The following ERBB4 variants were observed in gnomAD, a reference collection of about 807,000 sequenced individuals.
ERBB4 encodes erb-b2 receptor tyrosine kinase 4.
A neutral mutation model predicts 158.0 loss-of-function variants in ERBB4; 42 were observed. The ratio of observed to expected loss-of-function variants is 0.27; its 90% confidence interval spans 0.21 to 0.34. The LOEUF (loss-of-function observed/expected upper bound fraction) is 0.34, where lower values mean the gene tolerates loss of function less well. Ranked by LOEUF, ERBB4 falls within the 10% of genes least tolerant of loss-of-function variation. ERBB4 has a pLI of 1.00. For missense variants in ERBB4, 1,333 were observed against 1,624.1 expected (o/e 0.82, Z 3.08); for synonymous variants, 583 against 558.7 (o/e 1.04, Z -0.61).
intron 27 of ERBB4, among the ~76,000 whole-genome samples, chr2:211,385,014 A>G (rs926036040): frequency 6.6e-6 from 1 of 152,066 alleles, no homozygotes; most frequent in African/African-American, 2.4e-5. Flanking sequence ...CCTCTCTTTT[A>G]CTATATACAC....
intron 4 of ERBB4, among the ~76,000 whole-genome samples, chr2:211,783,540 C>T (rs1367727192): frequency 6.6e-6 from 1 of 152,118 alleles, no homozygotes; most frequent in Non-Finnish European, 1.5e-5. Context: ...GAGATACGTC[C>T]CATCAGTACC....
At chr2:211,477,424 T>C (rs768626209) in intron 20 of ERBB4, among the ~76,000 whole-genome samples, 8 of 151,960 alleles carry the variant, frequency 5.3e-5, no homozygotes, top group Non-Finnish European at 1.0e-4. Context: ...ACACTAAAGA[T>C]GAAAAGAGAC....
rs185885123 is a variant in ERBB4 at position 211,805,534 on chromosome 2, C to T, written c.422-17375G>A. ...TATGTATTACTTCCATTGATTTGTT[C>T]TAAGTCTTTCAAGAGATGGGTGGCC... On this transcript the variant is annotated intron_variant, in intron 3 of 27. Transcript: ENST00000342788. 2.7e-4 allele frequency among the ~76,000 whole-genome samples: 41 copies of T among 152,280 alleles called. No individual in the cohort carries two copies. The East Asian group carries it at 7.1e-3, about 26-fold the overall frequency.
chr2:211,914,425 T>G (rs540977551), intron 3 of ERBB4, among the ~76,000 whole-genome samples: 1 of 152,238 alleles, frequency 6.6e-6, no homozygotes, highest in Non-Finnish European at 1.5e-5. Context: ...GAAAACATCC[T>G]TGATTATTCA....
intron 3 of ERBB4, among the ~76,000 whole-genome samples, chr2:211,805,131 C>T (rs2076586989): frequency 6.6e-6 from 1 of 152,202 alleles, no homozygotes; most frequent in African/African-American, 2.4e-5. Context: ...GTTGGCCAGG[C>T]TTGTCTCAAA....
At chr2:212,094,446 CATA>C (rs1469924543) in intron 2 of ERBB4, among the ~76,000 whole-genome samples, 1 of 150,680 alleles carries the variant, frequency 6.6e-6, no homozygotes, top group Non-Finnish European at 1.5e-5. Context: ...AAGATTGTGT[CATA>C]ATAAAATACA....
intron 20 of ERBB4, among the ~76,000 whole-genome samples, chr2:211,523,937 A>G (rs1183189426): frequency 6.6e-6 from 1 of 151,996 alleles, no homozygotes; most frequent in Non-Finnish European, 1.5e-5. Flanking sequence ...TGAGCTAGAA[A>G]CAAAGGTTCT....
chr2:212,524,903 GA>G (rs1692365299), intron 1 of ERBB4, among the ~76,000 whole-genome samples: 1 of 151,990 alleles, frequency 6.6e-6, no homozygotes, highest in Non-Finnish European at 1.5e-5. Flanking sequence ...AGGCACATTA[GA>G]ATGGATCATA....
intron 20 of ERBB4, among the ~76,000 whole-genome samples, chr2:211,476,471 A>T (rs563239238): frequency 6.6e-6 from 1 of 152,142 alleles, no homozygotes; most frequent in African/African-American, 2.4e-5. Flanking sequence ...ATCAGGTAGA[A>T]TTGACAGAAA....
At chr2:211,966,431 G>A (rs1052752683) in intron 2 of ERBB4, among the ~76,000 whole-genome samples, 1 of 151,868 alleles carries the variant, frequency 6.6e-6, no homozygotes, top group Admixed American at 6.6e-5. Context: ...TAGTAGAGAC[G>A]GGGTTTCACT....
At chr2:211,899,415 A>T (rs1188578043) in intron 3 of ERBB4, among the ~76,000 whole-genome samples, 3 of 152,128 alleles carry the variant, frequency 2.0e-5, no homozygotes, top group Admixed American at 6.6e-5. Flanking sequence ...TTCATCTACC[A>T]GTAACATTTT....
At chr2:211,570,861 T>C (rs1264498112) in intron 19 of ERBB4, among the ~76,000 whole-genome samples, 2 of 152,082 alleles carry the variant, frequency 1.3e-5, no homozygotes, top group Non-Finnish European at 2.9e-5. Flanking sequence ...CTCAAATTAC[T>C]CTGGAAAATG....
chr2:211,827,550 G>C (rs1490458842), intron 3 of ERBB4, among the ~76,000 whole-genome samples: 1 of 150,790 alleles, frequency 6.6e-6, no homozygotes, highest in Non-Finnish European at 1.5e-5. Flanking sequence ...AATTGATCTG[G>C]TAAGACAAAG....
chr2:212,003,860 G>C (rs952701389), intron 2 of ERBB4, among the ~76,000 whole-genome samples: 3 of 151,880 alleles, frequency 2.0e-5, no homozygotes, highest in African/African-American at 7.3e-5. Flanking sequence ...GATGACCTTG[G>C]GCAAGTTATA....
At chr2:211,490,565 T>C (rs1179142106) in intron 20 of ERBB4, among the ~76,000 whole-genome samples, 1 of 152,030 alleles carries the variant, frequency 6.6e-6, no homozygotes, top group Non-Finnish European at 1.5e-5. Flanking sequence ...TTGTAAATCA[T>C]GAGCGACCTA....
intron 1 of ERBB4, among the ~76,000 whole-genome samples, chr2:212,446,591 G>GTATATATATATATATATATATGTATA (rs2092355876): frequency 7.3e-5 from 2 of 27,516 alleles, no homozygotes; most frequent in Non-Finnish European, 1.2e-4. Context: ...ATATATATAT[G>GTATATATATATATATATATATGTATA]TATATATATA....
chr2:211,655,602 G>A (rs1470141640), intron 16 of ERBB4, among the ~76,000 whole-genome samples: 1 of 152,114 alleles, frequency 6.6e-6, no homozygotes, highest in Non-Finnish European at 1.5e-5. Context: ...CTAGTCCACT[G>A]GAATAACTAC....
At chr2:212,428,758 T>C (rs779714483) in intron 1 of ERBB4, among the ~76,000 whole-genome samples, 2 of 152,112 alleles carry the variant, frequency 1.3e-5, no homozygotes, top group Admixed American at 6.6e-5. Context: ...GAAAGGTAGA[T>C]GGTTTTGGGT....
intron 2 of ERBB4, among the ~76,000 whole-genome samples, chr2:212,047,125 T>C (rs1297005140): frequency 1.3e-5 from 2 of 152,176 alleles, no homozygotes; most frequent in Non-Finnish European, 2.9e-5. Flanking sequence ...CTGCATATTA[T>C]ATATTGTTGT....
Sources: allele counts gnomAD v4.1 joint callset (sites outside exome capture counted in the v4.1 genomes callset), GRCh38; gene constraint gnomAD v4.1.1; transcripts MANE v1.5; gene names NCBI Gene and HGNC (gene_info 2026-07-23, HGNC 2026-07-21).